NRG1: variants seen among roughly 807,000 people sequenced by gnomAD.
NRG1 encodes the protein neuregulin 1, also known as pro-neuregulin-1, membrane-bound isoform.
A neutral mutation model predicts 63.8 loss-of-function variants in NRG1; 18 were observed. That is an observed-to-expected ratio of 0.28 (90% CI 0.19 to 0.42). The LOEUF (loss-of-function observed/expected upper bound fraction) is 0.42, where lower values mean the gene tolerates loss of function less well. Among genes scored for constraint, NRG1 ranks in the 10% least tolerant of loss-of-function variants. The pLI, the probability that NRG1 is intolerant of heterozygous loss-of-function variation, is 1.00. For synonymous variants in NRG1, 302 were observed against 301.3 expected, an observed-to-expected ratio of 1.00 and a Z score of -0.02; for missense variants, 762 against 814.7, an observed-to-expected ratio of 0.94 and a Z score of 0.79.
At chr8:31,826,441 T>C (rs1022269531) in intron 1 of NRG1, among the ~76,000 whole-genome samples, 1 of 152,240 alleles carries the variant, frequency 6.6e-6, no homozygotes, top group African/African-American at 2.4e-5. Context: ...ATGCTCCCTC[T>C]TTCCTGTCGC....
chr8:32,712,811 G>A (rs748700432), intron 5 of NRG1, among the ~76,000 whole-genome samples: 4 of 152,044 alleles, frequency 2.6e-5, no homozygotes, highest in South Asian at 4.1e-4. Context: ...CTGGACCTCC[G>A]CTTCTAGTGG....
chr8:32,707,506 C>T (rs909151701), intron 5 of NRG1, among the ~76,000 whole-genome samples: 1 of 152,002 alleles, frequency 6.6e-6, no homozygotes, highest in African/African-American at 2.4e-5. Flanking sequence ...AAACTGTTAC[C>T]TTTAACTATT....
At chr8:32,411,703 A>G (rs1469962205) in intron 1 of NRG1, among the ~76,000 whole-genome samples, 1 of 152,210 alleles carries the variant, frequency 6.6e-6, no homozygotes, top group Non-Finnish European at 1.5e-5. Context: ...TGATCCACAC[A>G]TAACCCTATT....
At chr8:32,331,205 T>G (rs577852769) in intron 1 of NRG1, among the ~76,000 whole-genome samples, 4 of 151,994 alleles carry the variant, frequency 2.6e-5, no homozygotes, top group Non-Finnish European at 4.4e-5. Flanking sequence ...ACAGAAAGCT[T>G]CTTCTTCTGG....
At chr8:32,128,484 T>C (rs1834389554) in intron 1 of NRG1, among the ~76,000 whole-genome samples, 1 of 151,970 alleles carries the variant, frequency 6.6e-6, no homozygotes, top group Non-Finnish European at 1.5e-5. Context: ...CTAGGTAAAC[T>C]GGAGAGTCAT....
intron 1 of NRG1, among the ~76,000 whole-genome samples, chr8:32,015,353 G>C (rs533208370): frequency 6.6e-6 from 1 of 152,250 alleles, no homozygotes; most frequent in Admixed American, 6.5e-5. Context: ...CTTCCAGCTT[G>C]TCTCTTAGTT....
chr8:32,532,496 T>G (rs943625125), intron 1 of NRG1, among the ~76,000 whole-genome samples: 6 of 152,248 alleles, frequency 3.9e-5, no homozygotes, highest in Admixed American at 2.0e-4. Context: ...GAAACAGTGT[T>G]TTTCTAACTA....
chr8:32,559,446 T>G (rs1414104882), intron 1 of NRG1, among the ~76,000 whole-genome samples: 3 of 152,138 alleles, frequency 2.0e-5, no homozygotes, highest in African/African-American at 7.2e-5. Context: ...AAGAAGTCAT[T>G]CTTTTTCTGG....
At chr8:32,498,297 G>A (rs1453002306) in intron 1 of NRG1, among the ~76,000 whole-genome samples, 1 of 152,096 alleles carries the variant, frequency 6.6e-6, no homozygotes, top group Non-Finnish European at 1.5e-5. Context: ...AGAAACTAAT[G>A]GAAGGTATAT....
intron 1 of NRG1, among the ~76,000 whole-genome samples, chr8:31,750,393 C>T (rs1217845061): frequency 6.6e-6 from 1 of 151,880 alleles, no homozygotes; most frequent in Non-Finnish European, 1.5e-5. Context: ...TACACATACA[C>T]AAATGCAAAA....
At chr8:32,685,587 A>C (rs767673746) in intron 5 of NRG1, among the ~76,000 whole-genome samples, 1 of 152,238 alleles carries the variant, frequency 6.6e-6, no homozygotes, top group Non-Finnish European at 1.5e-5. Flanking sequence ...GCAAATCTTC[A>C]TGTATAGTGT....
rs114280400 is a variant in NRG1 at position 32,154,604 on chromosome 8, G to A, written c.38-441224G>A. On this transcript the variant is annotated intron_variant, in intron 1 of 10. Coordinates refer to the NRG1 transcript ENST00000519301. ...TTCCACCCATTTTCCTATGTAAAGC[G>A]ATTTTGAATTCTAGCCATCTGTTAA... 2.2e-3 allele frequency among the ~76,000 whole-genome samples: 331 copies of A among 151,970 alleles called. 4 individuals carry two copies. Among genetic ancestry groups the A allele is most frequent in the African/African-American group, 7.3e-3 (304 of 41,404 alleles).
chr8:32,082,202 GT>G (rs11385699), intron 1 of NRG1, among the ~76,000 whole-genome samples: 1 of 147,790 alleles, frequency 6.8e-6, no homozygotes, highest in African/African-American at 2.5e-5. Flanking sequence ...CAACCTAGTG[GT>G]TTTTTTTTTT....
At chr8:31,903,448 C>T (rs796376292) in intron 1 of NRG1, among the ~76,000 whole-genome samples, 10 of 151,532 alleles carry the variant, frequency 6.6e-5, no homozygotes, top group East Asian at 2.0e-4. Flanking sequence ...CGCGCCCGGC[C>T]GAGCCTTCAA....
At chr8:32,223,015 G>C (rs1845983916) in intron 1 of NRG1, among the ~76,000 whole-genome samples, 1 of 152,164 alleles carries the variant, frequency 6.6e-6, no homozygotes, top group Non-Finnish European at 1.5e-5. Flanking sequence ...ATGTTTTGTA[G>C]TGCAACTATG....
At position 32,765,791 on chromosome 8, in the gene NRG1, C is replaced by T. The variant is rs1564147808; in HGVS notation, c.*1389C>T. On this transcript the variant is annotated 3_prime_UTR_variant, in exon 12 of 12. Coordinates refer to ENST00000356819, the Ensembl canonical transcript of NRG1. The stretch of plus-strand genomic sequence containing the variant: ...GCTCTCTCACCCATTTCCCCCACCT[C>T]CTTTAATTTTTGCTTTACTGTCATA... 2.6e-5 allele frequency: 4 copies of T among 152,142 alleles called. No homozygotes were observed. The East Asian group carries it at 5.8e-4, about 22-fold the overall frequency. The allele number at this position is 152,142 out of a possible 1,614,324, so 9.4% of individuals were successfully genotyped here. A position where few individuals can be genotyped will look rare whatever the true frequency, so the allele number is the denominator to read the frequency against.
chr8:32,499,933 T>C (rs879413562), intron 1 of NRG1, among the ~76,000 whole-genome samples: 4 of 152,126 alleles, frequency 2.6e-5, no homozygotes, highest in Admixed American at 2.6e-4. Context: ...GAGAGAAGAC[T>C]GGAAACATTA....
intron 5 of NRG1, among the ~76,000 whole-genome samples, chr8:32,663,060 G>A (rs761649593): frequency 4.6e-5 from 7 of 152,316 alleles, no homozygotes; most frequent in Middle Eastern, 3.4e-3. Flanking sequence ...CCCACAACAC[G>A]TGATGATGGA....
intron 1 of NRG1, among the ~76,000 whole-genome samples, chr8:32,220,005 G>T (rs1845644006): frequency 6.6e-6 from 1 of 152,178 alleles, no homozygotes; most frequent in Non-Finnish European, 1.5e-5. Context: ...TTTAACCTTG[G>T]AGAATGCCAT....
Sources: allele counts gnomAD v4.1 joint callset (sites outside exome capture counted in the v4.1 genomes callset), GRCh38; gene constraint gnomAD v4.1.1; transcripts MANE v1.5; gene names NCBI Gene and HGNC (gene_info 2026-07-23, HGNC 2026-07-21).